Variants in RAB3IP observed in about 807,000 individuals in gnomAD.
RAB3IP encodes the protein rab-3A-interacting protein.
In RAB3IP, 36 loss-of-function variants were observed where a neutral mutation model predicts 59.1. The ratio of observed to expected loss-of-function variants is 0.61; its 90% CI spans 0.47 to 0.80. The LOEUF is 0.80. Among genes scored for constraint, RAB3IP ranks in the 30% least tolerant of loss-of-function variants. The pLI is 0.00. For missense variants in RAB3IP, 511 were observed against 536.0 expected, an observed-to-expected ratio of 0.95 and a Z score of 0.46; for synonymous variants, 207 against 191.2, an observed-to-expected ratio of 1.08 and a Z score of -0.68.
At chr12:69,778,556 T>G (rs1040025614) in intron 3 of RAB3IP, among the ~76,000 whole-genome samples, 7 of 125,978 alleles carry the variant, frequency 5.6e-5, no homozygotes, top group African/African-American at 2.1e-4. Context: ...TTATCTACTT[T>G]TGGTCTTTGA....
chr12:69,747,331 TGAGAGAGAGA>T (rs774489387), intron 1 of RAB3IP, among the ~76,000 whole-genome samples: 1 of 85,904 alleles, frequency 1.2e-5, no homozygotes, highest in Non-Finnish European at 2.6e-5. Flanking sequence ...TGTGTGTGTG[TGAGAGAGAGA>T]GAGAGAGAGG....
chr12:69,751,350 C>T (rs1869251137), intron 1 of RAB3IP, among the ~76,000 whole-genome samples: 1 of 152,150 alleles, frequency 6.6e-6, no homozygotes, highest in Non-Finnish European at 1.5e-5. Flanking sequence ...ATTTCTGTCC[C>T]AGGCTGGAAT....
intron 3 of RAB3IP, among the ~76,000 whole-genome samples, chr12:69,762,245 A>C (rs1401976280): frequency 1.3e-5 from 2 of 152,134 alleles, no homozygotes; most frequent in Non-Finnish European, 2.9e-5. Context: ...CTTCCATAGG[A>C]TATTTCTGAA....
chr12:69,807,100 G>T lies in RAB3IP; in HGVS notation c.1130+5379G>T, dbSNP rs1370414316. Among the ~76,000 whole-genome samples, 4 of 152,166 alleles carry T rather than the reference G, an allele frequency of 2.6e-5. No individual in the cohort carries two copies. The East Asian group carries it at 7.7e-4, about 29-fold the overall frequency. ...TCTCGACGGTCGCTGTCTCTTCGGA[G>T]CTGTTGGGTACACCTCCCAGACGGG... On this transcript the variant is annotated intron_variant, in intron 8 of 10. Transcript: ENST00000247833.
chr12:69,807,196 C>G (rs1489140846), intron 8 of RAB3IP, among the ~76,000 whole-genome samples: 1 of 150,214 alleles, frequency 6.7e-6, no homozygotes, highest in East Asian at 2.0e-4. Context: ...ACATCCCAGA[C>G]AGTGGGCGGC....
chr12:69,768,612 G>C (rs1482228196), intron 3 of RAB3IP, among the ~76,000 whole-genome samples: 1 of 152,172 alleles, frequency 6.6e-6, no homozygotes, highest in African/African-American at 2.4e-5. Flanking sequence ...GGAACAGACT[G>C]AGGCACCCAG....
At position 69,759,465 on chromosome 12, in the gene RAB3IP, C is replaced by T. The variant is rs376939707; in HGVS notation, c.510+2802C>T. Among the ~76,000 whole-genome samples, 521 of 151,998 alleles carry T rather than the reference C, an allele frequency of 3.4e-3. 4 individuals are homozygous for T. The highest frequency in any genetic ancestry group is 0.012 in the African/African-American group (488 of 41,532). On this transcript the variant is annotated intron_variant, in intron 3 of 10. Coordinates refer to ENST00000247833, the MANE Select transcript of RAB3IP (RefSeq NM_022456.5). ...CTTTTCTATTCCACAAAACCGCCATCGTCATCATGGCCCGTTCTCAATGAG... is the reference window on the plus strand; with the variant it reads ...CTTTTCTATTCCACAAAACCGCCATTGTCATCATGGCCCGTTCTCAATGAG...
At chr12:69,790,468 T>C (rs1876426461) in intron 4 of RAB3IP, among the ~76,000 whole-genome samples, 1 of 152,206 alleles carries the variant, frequency 6.6e-6, no homozygotes, top group African/African-American at 2.4e-5. Flanking sequence ...ACTGTTAAAA[T>C]GTCTATTCTA....
chr12:69,801,682 G>A lies in RAB3IP; in HGVS notation c.1091G>A (p.Arg364Gln), dbSNP rs763536941. 18 of 1,612,666 alleles carry A rather than the reference G, an allele frequency of 1.1e-5. No individual in the cohort carries two copies. Among genetic ancestry groups the A allele is most frequent in the Non-Finnish European group, 4.2e-6 (5 of 1,179,184 alleles). The change falls in exon 8 of 11, where the codon CGG (arginine) becomes CAG (glutamine). Residue 364 changes from arginine (R) to glutamine (Q), a missense_variant. Coordinates refer to ENST00000247833, the MANE Select transcript of RAB3IP (RefSeq NM_022456.5). ...GAACCAGTGGGATTACAACCTATCC[G>A]GTTTGTGAAAGCTTCTGCAGTTGAA... Reference protein sequence around the residue: ...SIEPVGLQPIRFVKASAVECG... With the variant: ...SIEPVGLQPIQFVKASAVECG...
In RAB3IP at chr12:69,739,997, TTCCGTTCAGTGTCGG is replaced by T. The variant is rs1180649987; in HGVS notation, c.-26+967_-26+981del. 1.2e-5 allele frequency: 10 copies of T among 801,902 alleles called. No individual in the cohort carries two copies. In the African/African-American group the frequency reaches 1.4e-4, roughly 11 times the overall value. The allele number at this position is 801,902 out of a possible 1,614,324, so 49.7% of individuals were successfully genotyped here. A position where few individuals can be genotyped will look rare whatever the true frequency, so the allele number is the denominator to read the frequency against. ...CACTCTCCTGTTTCACCCCAACTCCTTCCGTTCAGTGTCGGGTTAAAAGCCTTGTAATCTCTTGCA... is the reference window on the plus strand; with the variant it reads ...CACTCTCCTGTTTCACCCCAACTCCTGTTAAAAGCCTTGTAATCTCTTGCA... On this transcript the variant is annotated intron_variant, in intron 1 of 10. Coordinates refer to ENST00000247833, the MANE Select transcript of RAB3IP (RefSeq NM_022456.5).
chr12:69,811,740 G>A (rs1880491540), intron 8 of RAB3IP, among the ~76,000 whole-genome samples: 1 of 152,078 alleles, frequency 6.6e-6, no homozygotes, highest in South Asian at 2.1e-4. Context: ...GACAGGAATT[G>A]ATTTGTGATT....
chr12:69,746,608 A>G (rs553308514), intron 1 of RAB3IP, among the ~76,000 whole-genome samples: 3 of 152,206 alleles, frequency 2.0e-5, no homozygotes, highest in Non-Finnish European at 4.4e-5. Context: ...GAGGTGTTGA[A>G]GCTGGCAATC....
chr12:69,815,109 A>G (rs1880982171), intron 10 of RAB3IP, among the ~76,000 whole-genome samples: 1 of 152,182 alleles, frequency 6.6e-6, no homozygotes, highest in South Asian at 2.1e-4. Context: ...CTGAATGTCT[A>G]CCTTTTCTTG....
At position 69,812,850 on chromosome 12, in the gene RAB3IP, T is replaced by C. The variant is rs377274974; in HGVS notation, c.1203T>C (p.Tyr401=). ...AATTAGGGGACTCAAGCAACTATTA[T>C]TATATTTCTCCTTTTTGCAGATACA... ...RIKLGDSSNY[Y]YISPFCRYRI... Residue 401 remains tyrosine (Y), a synonymous_variant, in exon 9 of 11, where the codon TAT becomes TAC. Coordinates refer to ENST00000247833, the MANE Select transcript of RAB3IP (RefSeq NM_022456.5). The C allele has an allele frequency of 4.6e-5, 75 of 1,612,956 alleles. No homozygotes were observed. Among genetic ancestry groups the C allele is most frequent in the Non-Finnish European group, 5.1e-5 (60 of 1,179,028 alleles).
chr12:69,798,562 C>A (rs1359015070), intron 6 of RAB3IP, among the ~76,000 whole-genome samples: 2 of 151,930 alleles, frequency 1.3e-5, no homozygotes, highest in Admixed American at 1.3e-4. Context: ...TCTTTTGTTG[C>A]CATTGCTTTT....
chr12:69,757,365 A>G (rs915342553), intron 3 of RAB3IP, among the ~76,000 whole-genome samples: 28 of 152,242 alleles, frequency 1.8e-4, no homozygotes, highest in African/African-American at 6.5e-4. Context: ...AATGAAATTG[A>G]TAACAGAAAA....
intron 1 of RAB3IP, among the ~76,000 whole-genome samples, chr12:69,749,917 A>G (rs1454567775): frequency 3.9e-5 from 6 of 152,194 alleles, no homozygotes; most frequent in Non-Finnish European, 5.9e-5. Context: ...GGTCATTAGT[A>G]AATACTTGCT....
In RAB3IP at chr12:69,780,600, A is replaced by G. The variant is rs544534352; in HGVS notation, c.511-4120A>G. 2.6e-5 allele frequency among the ~76,000 whole-genome samples: 4 copies of G among 152,362 alleles called. No individual in the cohort carries two copies. In the South Asian group the frequency reaches 8.3e-4, roughly 32 times the overall value. ...GCTGACAGGTCCTTCAAGGAGGCTC[A>G]GACAGACAAATCATTCCTGGGTTGT... On this transcript the variant is annotated intron_variant, in intron 3 of 10. Transcript: ENST00000247833.
At chr12:69,809,688 G>T (rs1309199136) in intron 8 of RAB3IP, among the ~76,000 whole-genome samples, 1 of 152,164 alleles carries the variant, frequency 6.6e-6, no homozygotes, top group Non-Finnish European at 1.5e-5. Context: ...CCAGTTGATT[G>T]CATCGGTTAC....
Sources: allele counts gnomAD v4.1 joint callset (sites outside exome capture counted in the v4.1 genomes callset), GRCh38; gene constraint gnomAD v4.1.1; transcripts MANE v1.5; gene names NCBI Gene and HGNC (gene_info 2026-07-23, HGNC 2026-07-21).